Variants in MPHOSPH10 observed in about 807,000 individuals in gnomAD.
MPHOSPH10 encodes the protein M-phase phosphoprotein 10.
In MPHOSPH10, 33 loss-of-function variants were observed where a neutral mutation model predicts 77.3. The ratio of observed to expected loss-of-function variants is 0.43; its 90% CI spans 0.32 to 0.57. MPHOSPH10 has a LOEUF of 0.57. Ranked by LOEUF, MPHOSPH10 falls within the 20% of genes least tolerant of loss-of-function variation. The probability of loss-of-function intolerance (pLI) is 0.07; values close to 1 mark genes in which losing one functional copy is unlikely to be tolerated. For synonymous variants in MPHOSPH10, 245 were observed against 268.0 expected (o/e 0.91, Z 0.84); for missense variants, 708 against 780.1 (o/e 0.91, Z 1.10).
intron 10 of MPHOSPH10, 132 bp from the exon 11 acceptor site, chr2:71,149,734 A>C (rs1336721256): frequency 9.8e-6 from 8 of 813,338 alleles, no homozygotes; most frequent in Middle Eastern, 3.8e-4. Flanking sequence ...TAACTGATTC[A>C]GTTTTCTGTA....
rs779975704 is a variant in MPHOSPH10, at chr2:71,149,393, A to T, written c.1836A>T (p.Lys612Asn). The change falls in exon 10 of 11, where the codon AAA (lysine) becomes AAT (asparagine). Residue 612 changes from lysine to asparagine, a missense_variant. Physicochemically the swap from Lys to Asn is moderately conservative, Grantham distance 94. This residue lies in a region of MPHOSPH10 where 263 missense variants were observed against 320.0 expected (regional missense o/e 0.82). Coordinates refer to ENST00000244230, the MANE Select transcript of MPHOSPH10 (RefSeq NM_005791.3). The part of the protein sequence containing the change: ...SSVDQAGKYS[K>N]TVASEKLKQL... ...TAGATCAAGCAGGGAAATACAGCAA[A>T]ACAGTAGCTTCGGAGAAGTTAAAAC... 3.8e-5 allele frequency: 60 copies of T among 1,585,160 alleles called. No individual in the cohort carries two copies. The Admixed American group carries it at 1.0e-3, about 28-fold the overall frequency.
intron 4 of MPHOSPH10, among the ~76,000 whole-genome samples, chr2:71,137,866 A>G (rs1009132282): frequency 6.6e-6 from 1 of 152,108 alleles, no homozygotes; most frequent in African/African-American, 2.4e-5. Flanking sequence ...AAAGTTAGAG[A>G]TAATGGCCAG....
chr2:71,148,827 C>G, intron 9 of MPHOSPH10: 1 of 207,152 alleles, frequency 4.8e-6, no homozygotes, highest in South Asian at 9.1e-5. Flanking sequence ...TGGTCTCTGC[C>G]CTCTGGCCTC....
At chr2:71,143,825 T>G (rs357751) in intron 7 of MPHOSPH10, among the ~76,000 whole-genome samples, 124,882 of 152,234 alleles carry the variant, frequency 0.82, 51,810 homozygotes, top group East Asian at 1. Context: ...TTGTGTGTAT[T>G]TACCACAGTT....
chr2:71,149,198 A>G (rs939192877), intron 9 of MPHOSPH10, 25 bp from the exon 10 acceptor site: 1 of 1,522,924 alleles, frequency 6.6e-7, no homozygotes. Context: ...ATGAATGAAT[A>G]TGTTGGTGGT....
chr2:71,149,276 C>G lies in MPHOSPH10; in HGVS notation c.1719C>G (p.Asp573Glu). Residue 573 changes from aspartate to glutamate, a missense_variant, in exon 10 of 11, where the codon GAC (aspartate) becomes GAG (glutamate). Coordinates refer to ENST00000244230, the MANE Select transcript of MPHOSPH10 (RefSeq NM_005791.3). The part of the protein sequence containing the change: ...IKTAAEKTAT[D>E]KKRERRKKKY... ...CAGCTGCTGAAAAAACAGCTACAGACAAGAAACGAGAGCGAAGGAAAAAGA... is the reference window on the plus strand; with the variant it reads ...CAGCTGCTGAAAAAACAGCTACAGAGAAGAAACGAGAGCGAAGGAAAAAGA... The G allele has an allele frequency of 6.2e-7, 1 of 1,600,426 alleles. No homozygotes were observed. The highest frequency in any genetic ancestry group is 8.5e-7 in the Non-Finnish European group (1 of 1,173,278).
Position 71,149,364 on chromosome 2 carries a change from A to G in MPHOSPH10, c.1807A>G (p.Ser603Gly), listed in dbSNP as rs1262462872. ...EKRRKLLEKS[S>G]VDQAGKYSKT... ...GCGGAGAAAACTGCTTGAAAAGAGC[A>G]GTGTAGATCAAGCAGGGAAATACAG... The change falls in exon 10 of 11, where the codon AGT (serine) becomes GGT (glycine). Residue 603 changes from serine (S) to glycine (G), a missense_variant. This residue lies in a region of MPHOSPH10 where 263 missense variants were observed against 320.0 expected (regional missense o/e 0.82). Coordinates refer to ENST00000244230, the MANE Select transcript of MPHOSPH10 (RefSeq NM_005791.3). The G allele has an allele frequency of 6.2e-7, 1 of 1,614,100 alleles. No individual in the cohort carries two copies. The highest frequency in any genetic ancestry group is 1.3e-5 in the African/African-American group (1 of 74,934).
chr2:71,146,264 A>G (rs968171390), intron 8 of MPHOSPH10, among the ~76,000 whole-genome samples: 2 of 149,540 alleles, frequency 1.3e-5, no homozygotes, highest in Non-Finnish European at 3.0e-5. Flanking sequence ...TACTTTTTTC[A>G]TGTTCAGGTT....
At position 71,132,710 on chromosome 2, in the gene MPHOSPH10, G is replaced by A. The variant is rs1050388274; in HGVS notation, c.90-188G>A. Among the ~76,000 whole-genome samples, 5 of 152,320 alleles carry A rather than the reference G, an allele frequency of 3.3e-5. No individual in the cohort carries two copies. The East Asian group carries it at 9.6e-4, about 29-fold the overall frequency. On this transcript the variant is annotated intron_variant, in intron 1 of 10. Coordinates refer to ENST00000244230, the MANE Select transcript of MPHOSPH10 (RefSeq NM_005791.3). Reference sequence around the variant, plus strand: ...CTAAAATCTATACAGCCGATTCACAGATACTTGGTTGACAGGTTTTATATA... The same window carrying A: ...CTAAAATCTATACAGCCGATTCACAAATACTTGGTTGACAGGTTTTATATA...
At chr2:71,149,070 T>G in intron 9 of MPHOSPH10, 153 bp from the exon 10 acceptor site, 2 of 664,318 alleles carry the variant, frequency 3.0e-6, no homozygotes, top group East Asian at 2.7e-5. Flanking sequence ...TTACCAACGC[T>G]CATTGGAATG....
intron 7 of MPHOSPH10, 49 bp downstream of exon 7, chr2:71,141,418 A>G (rs775476631): frequency 1.4e-6 from 2 of 1,393,022 alleles, no homozygotes; most frequent in Admixed American, 2.8e-5. Context: ...AAATAGAAGT[A>G]GAGAACTAGG....
intron 6 of MPHOSPH10, 107 bp from the exon 7 acceptor site, chr2:71,141,125 A>G: frequency 2.2e-6 from 1 of 462,338 alleles, no homozygotes; most frequent in Non-Finnish European, 3.0e-6. Context: ...TAATTTATTA[A>G]TATATTGATA....
rs1267289190 is a variant in MPHOSPH10 at position 71,134,112 on chromosome 2, A to AT, written c.926+11dup. ...AACTAAGTATTTCGGAAACGTGAGT[A>AT]TTTTGAACCATCCTTTACATTGTAA... On this transcript the variant is annotated splice_region_variant and intron_variant, in intron 3 of 10. Coordinates refer to ENST00000244230, the MANE Select transcript of MPHOSPH10 (RefSeq NM_005791.3). The AT allele has an allele frequency of 2.5e-6, 4 of 1,602,902 alleles. No individual in the cohort carries two copies. Among genetic ancestry groups the AT allele is most frequent in the Non-Finnish European group, 3.4e-6 (4 of 1,175,584 alleles).
At chr2:71,147,338 A>G (rs1346318345) in intron 8 of MPHOSPH10, among the ~76,000 whole-genome samples, 3 of 152,164 alleles carry the variant, frequency 2.0e-5, no homozygotes, top group Admixed American at 1.3e-4. Context: ...TGAGGAAGAG[A>G]TGGAAGAACT....
At chr2:71,143,468 A>G (rs1673650647) in intron 7 of MPHOSPH10, among the ~76,000 whole-genome samples, 1 of 152,018 alleles carries the variant, frequency 6.6e-6, no homozygotes, top group Admixed American at 6.6e-5. Flanking sequence ...TTTTTAATTG[A>G]TGTGAGATTT....
Position 71,150,082 on chromosome 2 carries a change from T to C in MPHOSPH10, c.*67T>C, listed in dbSNP as rs1330130741. The C allele has an allele frequency of 9.5e-6, 9 of 951,540 alleles. No homozygotes were observed. The highest frequency in any genetic ancestry group is 3.8e-5 in the Admixed American group (1 of 26,304). 58.9% of individuals were successfully genotyped at this position (951,540 alleles called of 1,614,324 possible). A position where few individuals can be genotyped will look rare whatever the true frequency, so the allele number is the denominator to read the frequency against. ...ATTGTGTCATTGTTCTGTTTTATAA[T>C]AAAATTCTTGAGAACCTTCCTTTGC... On this transcript the variant is annotated 3_prime_UTR_variant, in exon 11 of 11. Transcript: ENST00000244230.
At position 71,150,043 on chromosome 2, in the gene MPHOSPH10, A is replaced by T. The variant is rs1322146685; in HGVS notation, c.*28A>T. ...TATTTTGAATATAATGTAAATATTA[A>T]TGTGTAAGCTTATATTGTGTCATTG... On this transcript the variant is annotated 3_prime_UTR_variant, in exon 11 of 11. Coordinates refer to ENST00000244230, the MANE Select transcript of MPHOSPH10 (RefSeq NM_005791.3). The T allele has an allele frequency of 8.9e-7, 1 of 1,121,332 alleles. No individual in the cohort carries two copies. The highest frequency in any genetic ancestry group is 1.6e-5 in the African/African-American group (1 of 62,152). The allele number at this position is 1,121,332 out of a possible 1,614,324, so 69.5% of individuals were successfully genotyped here.
chr2:71,143,223 C>T (rs1263654031), intron 7 of MPHOSPH10, among the ~76,000 whole-genome samples: 1 of 150,668 alleles, frequency 6.6e-6, no homozygotes, highest in South Asian at 2.1e-4. Context: ...CTCACTGCAA[C>T]GTCTGCCTCC....
chr2:71,134,529 A>T, intron 3 of MPHOSPH10, 97 bp from the exon 4 acceptor site: 1 of 1,112,150 alleles, frequency 9.0e-7, no homozygotes, highest in East Asian at 2.5e-5. Flanking sequence ...TGCATTAGGT[A>T]TATAAAATAA....
Sources: allele counts gnomAD v4.1 joint callset (sites outside exome capture counted in the v4.1 genomes callset), GRCh38; gene constraint gnomAD v4.1.1; regional missense constraint gnomAD v4.1.1; transcripts MANE v1.5; gene names NCBI Gene and HGNC (gene_info 2026-07-23, HGNC 2026-07-21).